The following ANO1 variants were observed in gnomAD, a reference collection of about 807,000 sequenced individuals.
The protein encoded by ANO1 is anoctamin-1.
ANO1 carries 59 observed loss-of-function variants against 124.0 expected under a neutral mutation model. That is an observed-to-expected ratio of 0.48 (90% CI 0.39 to 0.59). ANO1 has a LOEUF of 0.59. ANO1 is among the 20% of genes least tolerant of loss of function. ANO1 has a pLI of 0.00. For synonymous variants in ANO1, 529 were observed against 532.0 expected (o/e 0.99, Z 0.08); for missense variants, 1,059 against 1,328.0 (o/e 0.80, Z 3.15).
chr11:70,039,286 T>C (rs1362802792), intron 1 of ANO1, among the ~76,000 whole-genome samples: 2 of 152,140 alleles, frequency 1.3e-5, no homozygotes, highest in Non-Finnish European at 2.9e-5. Flanking sequence ...AACTAATGAT[T>C]AAGTACTGTT....
At chr11:70,136,096 T>C (rs1265267929) in intron 11 of ANO1, among the ~76,000 whole-genome samples, 2 of 152,214 alleles carry the variant, frequency 1.3e-5, no homozygotes, top group African/African-American at 4.8e-5. Flanking sequence ...GTCAACACCC[T>C]GGTTGTTTGG....
intron 11 of ANO1, among the ~76,000 whole-genome samples, chr11:70,144,950 G>T (rs2047303639): frequency 6.6e-6 from 1 of 152,218 alleles, no homozygotes; most frequent in South Asian, 2.1e-4. Flanking sequence ...AGGGGATCAG[G>T]CGTGGGAAAG....
chr11:70,173,763 G>T (rs2048565374), intron 22 of ANO1, among the ~76,000 whole-genome samples: 1 of 152,126 alleles, frequency 6.6e-6, no homozygotes, highest in South Asian at 2.1e-4. Context: ...AAGTGAAAAA[G>T]GCCAGGGCCG....
At chr11:70,181,696 G>A (rs1013712149) in intron 23 of ANO1, among the ~76,000 whole-genome samples, 6 of 152,138 alleles carry the variant, frequency 3.9e-5, no homozygotes, top group Admixed American at 6.5e-5. Context: ...GGAGGCCAAG[G>A]CAGGAGGATC....
chr11:70,107,310 G>C (rs190422446), intron 5 of ANO1, among the ~76,000 whole-genome samples: 1 of 152,170 alleles, frequency 6.6e-6, no homozygotes, highest in Admixed American at 6.5e-5. Context: ...CACCGGGAGG[G>C]TGGTGGCCTC....
intron 11 of ANO1, among the ~76,000 whole-genome samples, chr11:70,142,944 C>T (rs2047212967): frequency 6.6e-6 from 1 of 152,196 alleles, no homozygotes; most frequent in Admixed American, 6.5e-5. Flanking sequence ...CCCCAAAGGC[C>T]CCATCTTCAA....
rs1448867265 is a variant in ANO1 at position 70,161,149 on chromosome 11, TC to T, written c.1579-6del. The T allele has an allele frequency of 1.2e-6, 2 of 1,611,220 alleles. No homozygotes were observed. Among genetic ancestry groups the T allele is most frequent in the African/African-American group, 1.3e-5 (1 of 74,802 alleles). On this transcript the variant is annotated splice_polypyrimidine_tract_variant and intron_variant, in intron 16 of 25. Transcript: ENST00000355303. ...GGGCCCCCAACCAAGAGTGCCCCTT[TC>T]CCCCCTGCAGATTGCAGTGACGTTT...
intron 22 of ANO1, among the ~76,000 whole-genome samples, chr11:70,178,887 G>A (rs868576129): frequency 2.9e-4 from 44 of 152,244 alleles, no homozygotes; most frequent in Admixed American, 1.3e-3. Context: ...TCTGATTGAT[G>A]ATGATTGTGA....
At chr11:70,004,591 C>T (rs966722515) in intron 1 of ANO1, among the ~76,000 whole-genome samples, 13 of 152,334 alleles carry the variant, frequency 8.5e-5, no homozygotes, top group East Asian at 3.9e-4. Context: ...CGCGACGTTA[C>T]GCAGCATCTC....
chr11:70,103,136 T>G lies in ANO1; in HGVS notation c.512T>G (p.Phe171Cys). ...PWNVLCREAE[F>C]LKLKMPTKKM... ...AACGTGCTGTGCAGAGAGGCCGAGT[T>G]TCTGAAACTGAAGATGCCGACGAAG... The change falls in exon 3 of 26, where the codon TTT becomes TGT. Residue 171 changes from phenylalanine (F) to cysteine (C), a missense_variant. Transcript: ENST00000355303. 1 of 1,612,456 alleles carries G rather than the reference T, an allele frequency of 6.2e-7. No individual in the cohort carries two copies. The highest frequency in any genetic ancestry group is 8.5e-7 in the Non-Finnish European group (1 of 1,179,324).
chr11:70,104,167 A>G lies in ANO1; in HGVS notation c.692+17A>G. 2.5e-6 allele frequency: 4 copies of G among 1,606,732 alleles called. No homozygotes were observed. The highest frequency in any genetic ancestry group is 3.4e-6 in the Non-Finnish European group (4 of 1,175,834). On this transcript the variant is annotated intron_variant, in intron 4 of 25. Transcript: ENST00000355303. ...GCAGCATCTGTAAGTGGGGACCCCC[A>G]GCCTGCTCCCCAAAGGGTCCTGTGT...
intron 1 of ANO1, among the ~76,000 whole-genome samples, chr11:70,062,910 T>G (rs11605899): frequency 0.23 from 35,469 of 152,096 alleles, 4,871 homozygotes; most frequent in South Asian, 0.33. Context: ...ATGTTGTTTT[T>G]TTGTTGTTGT....
intron 11 of ANO1, among the ~76,000 whole-genome samples, chr11:70,133,415 G>A (rs1359596575): frequency 6.6e-6 from 1 of 152,204 alleles, no homozygotes; most frequent in Non-Finnish European, 1.5e-5. Context: ...TGACCAAGGA[G>A]CAGCTGCTCG....
intron 9 of ANO1, among the ~76,000 whole-genome samples, chr11:70,125,009 C>G (rs1233542388): frequency 6.6e-6 from 1 of 152,228 alleles, no homozygotes; most frequent in Admixed American, 6.5e-5. Flanking sequence ...TCAGCATGGG[C>G]CATCGCACAC....
At chr11:69,967,750 G>A in the ANO1 span, among the ~76,000 whole-genome samples, 1 of 152,214 alleles carries the variant, frequency 6.6e-6, no homozygotes, top group Admixed American at 6.5e-5. Context: ...GGTGAGGGCT[G>A]TGAGTAACCC....
chr11:70,129,656 C>T (rs1379650491), intron 10 of ANO1: 1 of 149,776 alleles, frequency 6.7e-6, no homozygotes, highest in Non-Finnish European at 1.5e-5. Flanking sequence ...CAGAGTCTCA[C>T]TCTGTCGCCC....
At chr11:70,187,317 G>A (rs1402786041) in intron 25 of ANO1, among the ~76,000 whole-genome samples, 2 of 152,198 alleles carry the variant, frequency 1.3e-5, no homozygotes, top group Non-Finnish European at 2.9e-5. Context: ...AAATGTCTCC[G>A]TGGAGGTGGT....
intron 1 of ANO1, among the ~76,000 whole-genome samples, chr11:70,069,210 CT>C (rs1857807818): frequency 1.3e-5 from 2 of 152,226 alleles, no homozygotes; most frequent in South Asian, 4.1e-4. Flanking sequence ...AAAGGGTCCG[CT>C]TTCTCTTCTG....
At chr11:70,079,825 G>A (rs2044150395) in intron 1 of ANO1, among the ~76,000 whole-genome samples, 1 of 152,222 alleles carries the variant, frequency 6.6e-6, no homozygotes, top group Non-Finnish European at 1.5e-5. Flanking sequence ...CTGTTCCAGC[G>A]ACAGCAGGGA....
Sources: gnomAD v4.1 joint callset for allele counts (sites outside exome capture counted in the v4.1 genomes callset) on GRCh38, gnomAD v4.1.1 for gene constraint, MANE v1.5 for transcripts, NCBI Gene and HGNC (gene_info 2026-07-23, HGNC 2026-07-21) for gene names.